The following EPS15 variants were observed in gnomAD, a reference collection of about 807,000 sequenced individuals.
EPS15 encodes epidermal growth factor receptor pathway substrate 15, also known as epidermal growth factor receptor substrate 15.
Under a neutral mutation model 113.8 loss-of-function variants are expected in EPS15, and 72 were observed. That is an observed-to-expected ratio of 0.63 (90% CI 0.52 to 0.77). EPS15 has a LOEUF of 0.77. Ranked by LOEUF, EPS15 falls within the 30% of genes least tolerant of loss-of-function variation. The pLI, the probability that EPS15 is intolerant of heterozygous loss-of-function variation, is 0.00. For synonymous variants in EPS15, 344 were observed against 363.4 expected, an observed-to-expected ratio of 0.95 and a Z score of 0.61; for missense variants, 1,048 against 1,045.8, an observed-to-expected ratio of 1.00 and a Z score of -0.03.
At chr1:51,455,450 C>T (rs1034373459) in intron 8 of EPS15, among the ~76,000 whole-genome samples, 3 of 151,958 alleles carry the variant, frequency 2.0e-5, no homozygotes, top group South Asian at 2.1e-4. Context: ...ATTAGCCAGG[C>T]GTGGTGGCGG....
At chr1:51,425,949 G>C (rs1274285564) in intron 12 of EPS15, among the ~76,000 whole-genome samples, 1 of 152,056 alleles carries the variant, frequency 6.6e-6, no homozygotes, top group Admixed American at 6.6e-5. Context: ...TATAGTTACA[G>C]AATAAATAAT....
intron 16 of EPS15, among the ~76,000 whole-genome samples, chr1:51,405,239 T>G (rs536650729): frequency 6.6e-6 from 1 of 152,320 alleles, no homozygotes; most frequent in East Asian, 1.9e-4. Flanking sequence ...AGCTCTTATA[T>G]TATGTAATAC....
At chr1:51,422,941 A>C (rs988521626) in intron 12 of EPS15, among the ~76,000 whole-genome samples, 5 of 152,218 alleles carry the variant, frequency 3.3e-5, no homozygotes, top group Non-Finnish European at 7.4e-5. Context: ...TCTCAGACAT[A>C]ACCCAAAATG....
At chr1:51,517,545 G>A (rs576346261) in intron 1 of EPS15, among the ~76,000 whole-genome samples, 1 of 152,194 alleles carries the variant, frequency 6.6e-6, no homozygotes, top group Non-Finnish European at 1.5e-5. Context: ...ACTCCTGCCA[G>A]AATTGGCCAA....
chr1:51,496,728 A>G (rs968404809), intron 1 of EPS15, among the ~76,000 whole-genome samples: 1 of 152,164 alleles, frequency 6.6e-6, no homozygotes, highest in Non-Finnish European at 1.5e-5. Flanking sequence ...TTTCTGTTAC[A>G]TTTCCTTTTT....
intron 21 of EPS15, among the ~76,000 whole-genome samples, chr1:51,389,060 A>G (rs1333118452): frequency 2.0e-5 from 3 of 152,212 alleles, no homozygotes; most frequent in African/African-American, 7.2e-5. Flanking sequence ...ATTGATGCAA[A>G]AATCCTCAAT....
chr1:51,429,341 C>G (rs1651498552), intron 12 of EPS15, among the ~76,000 whole-genome samples: 1 of 150,572 alleles, frequency 6.6e-6, no homozygotes, highest in Admixed American at 6.6e-5. Context: ...GAGTGAAACT[C>G]TGTCTCAAAA....
At chr1:51,429,326 C>A (rs1370096532) in intron 12 of EPS15, among the ~76,000 whole-genome samples, 6 of 150,708 alleles carry the variant, frequency 4.0e-5, no homozygotes, top group African/African-American at 1.2e-4. Context: ...AAATTGACAA[C>A]AAAAGAGTGA....
chr1:51,435,060 T>C (rs1652031883), intron 12 of EPS15, among the ~76,000 whole-genome samples: 1 of 152,016 alleles, frequency 6.6e-6, no homozygotes, highest in African/African-American at 2.4e-5. Context: ...ATCACAATTT[T>C]TAAACATGTG....
intron 7 of EPS15, among the ~76,000 whole-genome samples, chr1:51,461,445 T>C (rs72696161): frequency 0.031 from 4,539 of 145,170 alleles, 74 homozygotes; most frequent in African/African-American, 0.052. Context: ...CCCTTAAGCC[T>C]AGGAGATCAA....
chr1:51,374,082 G>C (rs975528999), intron 21 of EPS15, among the ~76,000 whole-genome samples: 1 of 152,230 alleles, frequency 6.6e-6, no homozygotes, highest in Non-Finnish European at 1.5e-5. Flanking sequence ...TTTAGCCTGA[G>C]TCATTGCCTG....
Position 51,471,752 on chromosome 1 carries a change from G to T in EPS15, c.166-15C>A. 6.3e-7 allele frequency: 1 copy of T among 1,585,884 alleles called. No individual in the cohort carries two copies. The highest frequency in any genetic ancestry group is 8.6e-7 in the Non-Finnish European group (1 of 1,156,102). ...AAATCCCAAATCTGAAATTTAGGGG[G>T]AAAAAATATCAATGTATATTTTAAA... is the stretch of plus-strand genomic sequence containing the variant. On this transcript the variant is annotated splice_polypyrimidine_tract_variant and intron_variant, in intron 3 of 24. Transcript: ENST00000371733.
intron 21 of EPS15, among the ~76,000 whole-genome samples, chr1:51,375,810 A>G (rs1034831329): frequency 6.6e-6 from 1 of 152,252 alleles, no homozygotes; most frequent in Non-Finnish European, 1.5e-5. Context: ...CGTTGTAACT[A>G]AAAACAAAAC....
At chr1:51,516,096 A>G (rs1644711343) in intron 1 of EPS15, among the ~76,000 whole-genome samples, 1 of 152,126 alleles carries the variant, frequency 6.6e-6, no homozygotes, top group Admixed American at 6.5e-5. Flanking sequence ...CTTCTCATTG[A>G]CAAGAAGTAA....
intron 1 of EPS15, among the ~76,000 whole-genome samples, chr1:51,513,474 T>C (rs1350672237): frequency 4.6e-5 from 7 of 152,106 alleles, no homozygotes; most frequent in Non-Finnish European, 8.8e-5. Flanking sequence ...AATATACATA[T>C]ACAGTATACA....
intron 1 of EPS15, among the ~76,000 whole-genome samples, chr1:51,501,460 T>C (rs1431615265): frequency 6.6e-6 from 1 of 152,030 alleles, no homozygotes; most frequent in East Asian, 1.9e-4. Flanking sequence ...TATTATTAGT[T>C]TTTTGGGGGG....
intron 21 of EPS15, chr1:51,372,832 C>T (rs1646691727): frequency 1.8e-6 from 1 of 544,332 alleles, no homozygotes; most frequent in African/African-American, 2.0e-5. Flanking sequence ...CAGCTGATCA[C>T]AAAGAGGTCC....
At chr1:51,364,557 C>T (rs1372030198) in intron 22 of EPS15, among the ~76,000 whole-genome samples, 1 of 151,642 alleles carries the variant, frequency 6.6e-6, no homozygotes, top group Non-Finnish European at 1.5e-5. Flanking sequence ...AGCAGTGGCA[C>T]AATCATAGCT....
At chr1:51,450,024 AT>A (rs1370489628) in intron 8 of EPS15, among the ~76,000 whole-genome samples, 1 of 151,826 alleles carries the variant, frequency 6.6e-6, no homozygotes, top group Non-Finnish European at 1.5e-5. Flanking sequence ...TGGATGTCAG[AT>A]GCTGCTCTTC....
Sources: gnomAD v4.1 joint callset for allele counts (sites outside exome capture counted in the v4.1 genomes callset) on GRCh38, gnomAD v4.1.1 for gene constraint, MANE v1.5 for transcripts, NCBI Gene and HGNC (gene_info 2026-07-23, HGNC 2026-07-21) for gene names.